Variants in RABGAP1L observed in about 807,000 individuals in gnomAD.
The protein encoded by RABGAP1L is RAB GTPase activating protein 1 like, also known as rab GTPase-activating protein 1-like.
A neutral mutation model predicts 137.7 loss-of-function variants in RABGAP1L; 63 were observed. The observed-to-expected ratio is 0.46, with a 90% CI of 0.37 to 0.56. The LOEUF is 0.56. Ranked by LOEUF, RABGAP1L falls within the 20% of genes least tolerant of loss-of-function variation. The probability of loss-of-function intolerance (pLI) is 0.00; values close to 1 mark genes in which losing one functional copy is unlikely to be tolerated. For synonymous variants in RABGAP1L, 431 were observed against 433.7 expected, an observed-to-expected ratio of 0.99 and a Z score of 0.08; for missense variants, 1,095 against 1,244.0, an observed-to-expected ratio of 0.88 and a Z score of 1.80.
At chr1:174,201,576 T>G (rs1387431877) in intron 1 of RABGAP1L, among the ~76,000 whole-genome samples, 1 of 152,190 alleles carries the variant, frequency 6.6e-6, no homozygotes, top group African/African-American at 2.4e-5. Context: ...TGCTAGAGTC[T>G]AAAGGGAATG....
At chr1:174,316,534 C>T (rs1679390927) in intron 11 of RABGAP1L, among the ~76,000 whole-genome samples, 1 of 152,192 alleles carries the variant, frequency 6.6e-6, no homozygotes, top group Non-Finnish European at 1.5e-5. Flanking sequence ...TGGGAGAATT[C>T]TCTGGATTAC....
intron 13 of RABGAP1L, among the ~76,000 whole-genome samples, chr1:174,558,324 A>G (rs1305868747): frequency 6.6e-6 from 1 of 152,234 alleles, no homozygotes; most frequent in East Asian, 1.9e-4. Context: ...GCCTAAGGAA[A>G]TTCTTTGTGC....
intron 9 of RABGAP1L, among the ~76,000 whole-genome samples, chr1:174,277,717 A>G (rs1675120119): frequency 6.6e-6 from 1 of 152,038 alleles, no homozygotes; most frequent in Non-Finnish European, 1.5e-5. Context: ...GAGAGATGAA[A>G]AGTCTTGGAT....
Position 174,990,513 on chromosome 1 carries a change from GA to G in RABGAP1L, c.*514del, listed in dbSNP as rs1276805537. 2 of 152,314 alleles carry G rather than the reference GA, an allele frequency of 1.3e-5. No individual in the cohort carries two copies. The highest frequency in any genetic ancestry group is 1.3e-4 in the Admixed American group (2 of 15,288). 9.4% of individuals were successfully genotyped at this position (152,314 alleles called of 1,614,324 possible). A position where few individuals can be genotyped will look rare whatever the true frequency, so the allele number is the denominator to read the frequency against. On this transcript the variant is annotated 3_prime_UTR_variant, in exon 26 of 26. Coordinates refer to ENST00000681986, the MANE Select transcript of RABGAP1L (RefSeq NM_001366446.1). ...TTTCCTCCTGAGCCTGATTCCCAGG[GA>G]AGTGTTAATCCTGTCCAAAGGAAAG...
In RABGAP1L at chr1:174,551,021, T is replaced by TATATATATATATATATATAC. The variant is rs1553330343; in HGVS notation, c.1711-86353_1711-86352insTATATATATATATATATACA. ...ACACATATATATATATATATATATA[T>TATATATATATATATATATAC]ACATACACACACACACATATATATA... is the stretch of plus-strand genomic sequence containing the variant. On this transcript the variant is annotated intron_variant, in intron 13 of 25. Transcript: ENST00000681986. Among the ~76,000 whole-genome samples, 16 of 122,816 alleles carry TATATATATATATATATATAC rather than the reference T, an allele frequency of 1.3e-4. 2 individuals are homozygous for TATATATATATATATATATAC. The highest frequency in any genetic ancestry group is 5.4e-4 in the African/African-American group (14 of 26,160). 80.6% of individuals were successfully genotyped at this position (122,816 alleles called of 152,430 possible). A position where few individuals can be genotyped will look rare whatever the true frequency, so the allele number is the denominator to read the frequency against.
intron 19 of RABGAP1L, among the ~76,000 whole-genome samples, chr1:174,903,679 C>T (rs1030502533): frequency 0.021 from 4 of 192 alleles, no homozygotes; most frequent in Non-Finnish European, 0.041. Context: ...TGGCTGAGTG[C>T]GGTACTAACG....
intron 13 of RABGAP1L, among the ~76,000 whole-genome samples, chr1:174,562,656 A>G (rs373298763): frequency 1.2e-4 from 18 of 152,282 alleles, no homozygotes; most frequent in African/African-American, 4.3e-4. Context: ...CGTATACACC[A>G]CGGAATACTA....
intron 19 of RABGAP1L, chr1:174,874,466 T>A: frequency 1.0e-6 from 1 of 985,116 alleles, no homozygotes; most frequent in Non-Finnish European, 1.2e-6. Context: ...TTACCGGGAG[T>A]GTGGCTGGTT....
At position 174,744,120 on chromosome 1, in the gene RABGAP1L, G is replaced by A. The variant is rs61828066; in HGVS notation, c.2170-8193G>A. ...AAAAAAAAAAAAAAAAAAAAAAAGC[G>A]ATTGATTTTCAGTGCTGCAATCCTG... On this transcript the variant is annotated intron_variant, in intron 17 of 25. Coordinates refer to ENST00000681986, the MANE Select transcript of RABGAP1L (RefSeq NM_001366446.1). 6.7e-3 allele frequency among the ~76,000 whole-genome samples: 783 copies of A among 116,076 alleles called. 4 individuals carry two copies. The highest frequency in any genetic ancestry group is 0.022 in the African/African-American group (666 of 30,478). The allele number at this position is 116,076 out of a possible 152,430, so 76.2% of individuals were successfully genotyped here.
chr1:174,892,432 C>T (rs373057099), intron 19 of RABGAP1L: 46 of 418,542 alleles, frequency 1.1e-4, no homozygotes, highest in East Asian at 6.5e-4. Flanking sequence ...AATATCAACA[C>T]GAAATTGTTC....
chr1:174,850,820 G>T (rs1211953653), intron 19 of RABGAP1L, among the ~76,000 whole-genome samples: 1 of 152,166 alleles, frequency 6.6e-6, no homozygotes, highest in Non-Finnish European at 1.5e-5. Flanking sequence ...GCTTTCTTTG[G>T]CTAATGGCAG....
intron 1 of RABGAP1L, among the ~76,000 whole-genome samples, chr1:174,184,445 G>A (rs1441469372): frequency 1.3e-5 from 2 of 152,150 alleles, no homozygotes; most frequent in African/African-American, 4.8e-5. Flanking sequence ...GTAAGACTGT[G>A]TTTAGTTTTG....
At chr1:174,723,008 G>A (rs1315960100) in intron 17 of RABGAP1L, among the ~76,000 whole-genome samples, 1 of 152,186 alleles carries the variant, frequency 6.6e-6, no homozygotes, top group Non-Finnish European at 1.5e-5. Flanking sequence ...AGGCATGCTG[G>A]AGTGATTCAA....
intron 17 of RABGAP1L, among the ~76,000 whole-genome samples, chr1:174,736,875 G>A (rs527452728): frequency 1.3e-5 from 2 of 152,332 alleles, no homozygotes; most frequent in South Asian, 4.1e-4. Flanking sequence ...CAGCTGGGAT[G>A]TGGGAAGCAA....
chr1:174,662,537 C>G (rs964781616), intron 14 of RABGAP1L, among the ~76,000 whole-genome samples: 1 of 151,828 alleles, frequency 6.6e-6, no homozygotes, highest in African/African-American at 2.4e-5. Context: ...CTTGCCTCAG[C>G]CTCCCACCAC....
chr1:174,361,448 T>A lies in RABGAP1L; in HGVS notation c.1466-9531T>A, dbSNP rs1175955736. Among the ~76,000 whole-genome samples the A allele has an allele frequency of 2.0e-5, 3 of 152,306 alleles. No individual in the cohort carries two copies. In the East Asian group the frequency reaches 5.8e-4, roughly 29 times the overall value. On this transcript the variant is annotated intron_variant, in intron 11 of 25. Transcript: ENST00000681986. The stretch of plus-strand genomic sequence containing the variant: ...ATATTTGTATTTTTTGGCATCCTTT[T>A]CAGTTTTTTCATTGGCATTTTATAG...
chr1:174,629,558 G>C (rs547340141), intron 13 of RABGAP1L, among the ~76,000 whole-genome samples: 3 of 151,628 alleles, frequency 2.0e-5, no homozygotes, highest in African/African-American at 7.3e-5. Context: ...TTTTTGAGAC[G>C]GAGTCTCGCT....
intron 13 of RABGAP1L, among the ~76,000 whole-genome samples, chr1:174,436,430 T>G (rs1008988904): frequency 1.3e-4 from 20 of 152,220 alleles, no homozygotes; most frequent in Non-Finnish European, 1.5e-5. Flanking sequence ...TTTTCATGTG[T>G]TTTTTGGCTG....
chr1:174,831,379 AT>A (rs1692099213), intron 19 of RABGAP1L, among the ~76,000 whole-genome samples: 1 of 148,244 alleles, frequency 6.7e-6, no homozygotes, highest in African/African-American at 2.5e-5. Context: ...GAATATTACA[AT>A]TGGTTTTTCA....
Sources: gnomAD v4.1 joint callset for allele counts (sites outside exome capture counted in the v4.1 genomes callset) on GRCh38, gnomAD v4.1.1 for gene constraint, MANE v1.5 for transcripts, NCBI Gene and HGNC (gene_info 2026-07-23, HGNC 2026-07-21) for gene names.